NBEA: variants seen among roughly 807,000 people sequenced by gnomAD.
The protein encoded by NBEA is neurobeachin, also known as lysosomal-trafficking regulator 2.
NBEA carries 44 observed loss-of-function variants against 343.4 expected under a neutral mutation model. That is an observed-to-expected ratio of 0.13 (90% confidence interval 0.10 to 0.16). The LOEUF is 0.16. Among genes scored for constraint, NBEA ranks in the 10% least tolerant of loss-of-function variants. The pLI is 1.00. For missense variants in NBEA, 2,555 were observed against 3,631.3 expected (o/e 0.70, Z 7.62); for synonymous variants, 1,175 against 1,238.7 (o/e 0.95, Z 1.08).
At chr13:35,194,869 T>C (rs118030966) in intron 30 of NBEA, among the ~76,000 whole-genome samples, 187 of 152,246 alleles carry the variant, frequency 1.2e-3, no homozygotes, top group Non-Finnish European at 1.9e-3. Context: ...TGTGTAGTTA[T>C]ATGCACATAT....
At chr13:35,072,156 T>C (rs1287352453) in intron 10 of NBEA, among the ~76,000 whole-genome samples, 2 of 152,170 alleles carry the variant, frequency 1.3e-5, no homozygotes, top group African/African-American at 2.4e-5. Flanking sequence ...GGACATATTA[T>C]GATCAGTATT....
chr13:35,473,696 G>T (rs896876869), intron 41 of NBEA, among the ~76,000 whole-genome samples: 1 of 152,032 alleles, frequency 6.6e-6, no homozygotes, highest in Non-Finnish European at 1.5e-5. Context: ...TTATTAGCTT[G>T]CCCTATGAAG....
intron 24 of NBEA, chr13:35,165,104 C>T (rs142704451): frequency 4.7e-5 from 25 of 533,946 alleles, no homozygotes; most frequent in African/African-American, 4.2e-4. Flanking sequence ...GTTCTTGTTG[C>T]CGTATTAGAA....
intron 48 of NBEA, among the ~76,000 whole-genome samples, chr13:35,613,510 T>G (rs921447245): frequency 5.3e-5 from 8 of 152,198 alleles, no homozygotes; most frequent in African/African-American, 1.9e-4. Context: ...GCAGGGAACA[T>G]GAGAATGCAA....
intron 38 of NBEA, among the ~76,000 whole-genome samples, chr13:35,415,413 A>T (rs1442418098): frequency 6.6e-6 from 1 of 152,148 alleles, no homozygotes; most frequent in East Asian, 1.9e-4. Context: ...TTTTTGTATA[A>T]GATGTGAGGA....
chr13:34,942,695 G>A lies in NBEA; in HGVS notation c.-126G>A. ...TGAGGCGCAGGCGGGGAGCGGGCCC[G>A]GCGCCGCGGCGCTGGTGGATGCTGG... is the stretch of plus-strand genomic sequence containing the variant. On this transcript the variant is annotated 5_prime_UTR_variant, in exon 1 of 59. Coordinates refer to ENST00000379939, the MANE Select transcript of NBEA (RefSeq NM_001385012.1). The A allele has an allele frequency of 1.5e-6, 1 of 677,440 alleles. No homozygotes were observed. Among genetic ancestry groups the A allele is most frequent in the Non-Finnish European group, 2.1e-6 (1 of 487,034 alleles). 42.0% of individuals were successfully genotyped at this position (677,440 alleles called of 1,614,324 possible). A position where few individuals can be genotyped will look rare whatever the true frequency, so the allele number is the denominator to read the frequency against.
chr13:35,231,754 A>T (rs1488233393), intron 33 of NBEA, among the ~76,000 whole-genome samples: 2 of 152,124 alleles, frequency 1.3e-5, no homozygotes, highest in Non-Finnish European at 2.9e-5. Context: ...TAGCTAGTAT[A>T]TGATAGAGCC....
intron 46 of NBEA, 176 bp from the exon 47 acceptor site, chr13:35,593,152 C>G: frequency 2.0e-6 from 1 of 499,526 alleles, no homozygotes; most frequent in Non-Finnish European, 3.4e-6. Flanking sequence ...CAACTGCTGC[C>G]TTGGCCTAGT....
intron 40 of NBEA, among the ~76,000 whole-genome samples, chr13:35,460,937 T>C (rs1174565336): frequency 6.6e-6 from 1 of 152,226 alleles, no homozygotes; most frequent in East Asian, 1.9e-4. Flanking sequence ...CCTGAGGCCG[T>C]ACCCGGCATC....
At chr13:35,524,411 A>G (rs1249545022) in intron 41 of NBEA, among the ~76,000 whole-genome samples, 1 of 152,150 alleles carries the variant, frequency 6.6e-6, no homozygotes, top group Non-Finnish European at 1.5e-5. Context: ...TCTGTTTTTC[A>G]CTTTCTCCCA....
In NBEA at chr13:35,536,504, A is replaced by G. The variant is rs149440272; in HGVS notation, c.6586-13973A>G. On this transcript the variant is annotated intron_variant, in intron 41 of 58. Coordinates refer to ENST00000379939, the MANE Select transcript of NBEA (RefSeq NM_001385012.1). ...CAGCTAATACAGAGAGTTCCTATAT[A>G]TGTGTGTGTATTGGTCCTGTTTTTT... Among the ~76,000 whole-genome samples, 49 of 152,272 alleles carry G rather than the reference A, an allele frequency of 3.2e-4. No homozygotes were observed. The East Asian group carries it at 7.5e-3, about 23-fold the overall frequency.
At chr13:35,440,535 C>T (rs2045682148) in intron 39 of NBEA, among the ~76,000 whole-genome samples, 1 of 152,038 alleles carries the variant, frequency 6.6e-6, no homozygotes, top group African/African-American at 2.4e-5. Context: ...TCTTCCCAAG[C>T]CAATGAGTGG....
At chr13:35,391,825 C>A (rs2042513858) in intron 38 of NBEA, among the ~76,000 whole-genome samples, 2 of 152,006 alleles carry the variant, frequency 1.3e-5, no homozygotes, top group South Asian at 4.1e-4. Flanking sequence ...ATTGTCAAAC[C>A]AAGTCATCAG....
intron 1 of NBEA, among the ~76,000 whole-genome samples, chr13:35,039,358 C>A (rs549414582): frequency 4.6e-5 from 7 of 152,208 alleles, no homozygotes; most frequent in African/African-American, 1.4e-4. Flanking sequence ...TATGAAGAAG[C>A]TTTTTTCTGT....
intron 12 of NBEA, 43 bp from the exon 13 acceptor site, chr13:35,110,767 C>T (rs371024692): frequency 7.3e-6 from 11 of 1,506,802 alleles, no homozygotes; most frequent in Non-Finnish European, 9.1e-6. Flanking sequence ...GCACTTGAGG[C>T]ATTTTAAATT....
intron 53 of NBEA, among the ~76,000 whole-genome samples, chr13:35,652,342 A>T (rs531774373): frequency 0.29 from 8,491 of 29,264 alleles, 330 homozygotes; most frequent in East Asian, 0.53. Context: ...CTTAAATTTA[A>T]AAAAAAAAAA....
intron 34 of NBEA, among the ~76,000 whole-genome samples, chr13:35,250,527 C>A (rs575196349): frequency 6.6e-6 from 1 of 152,026 alleles, no homozygotes; most frequent in African/African-American, 2.4e-5. Context: ...TACTTAAAAT[C>A]CATTTATTAG....
intron 1 of NBEA, among the ~76,000 whole-genome samples, chr13:35,012,339 C>T (rs1034210376): frequency 6.6e-6 from 1 of 152,178 alleles, no homozygotes; most frequent in South Asian, 2.1e-4. Flanking sequence ...GGAGCCCTCT[C>T]ACATGATAGT....
chr13:35,595,923 C>T (rs973398623), intron 47 of NBEA, among the ~76,000 whole-genome samples: 9 of 151,918 alleles, frequency 5.9e-5, no homozygotes, highest in Non-Finnish European at 1.2e-4. Flanking sequence ...TTTTCATGTA[C>T]TTATTGACCT....
Sources: gnomAD v4.1 joint callset for allele counts (sites outside exome capture counted in the v4.1 genomes callset) on GRCh38, gnomAD v4.1.1 for gene constraint, MANE v1.5 for transcripts, NCBI Gene and HGNC (gene_info 2026-07-23, HGNC 2026-07-21) for gene names.